CSMD3: variants seen among roughly 807,000 people sequenced by gnomAD.
CSMD3 encodes CUB and Sushi multiple domains 3, also known as CUB and sushi domain-containing protein 3.
In CSMD3, 177 loss-of-function variants were observed where a neutral mutation model predicts 435.2. The observed-to-expected ratio is 0.41, with a 90% confidence interval of 0.36 to 0.46. The LOEUF (loss-of-function observed/expected upper bound fraction) is 0.46, where lower values mean the gene tolerates loss of function less well. Ranked by LOEUF, CSMD3 falls within the 20% of genes least tolerant of loss-of-function variation. The pLI is 0.34. For missense variants in CSMD3, 4,265 were observed against 4,504.6 expected (o/e 0.95, Z 1.52); for synonymous variants, 1,656 against 1,520.5 (o/e 1.09, Z -2.07).
chr8:112,667,053 T>C (rs1194271600), intron 16 of CSMD3, among the ~76,000 whole-genome samples: 1 of 152,186 alleles, frequency 6.6e-6, no homozygotes, highest in East Asian at 1.9e-4. Context: ...AAATATTGTA[T>C]CCTCTGATTT....
intron 10 of CSMD3, among the ~76,000 whole-genome samples, chr8:112,908,250 A>G (rs181308005): frequency 1.3e-5 from 2 of 151,624 alleles, no homozygotes; most frequent in East Asian, 3.9e-4. Flanking sequence ...TGTATTTAAT[A>G]TTCAATCTGG....
At chr8:113,035,777 C>T (rs1429884639) in intron 5 of CSMD3, among the ~76,000 whole-genome samples, 1 of 151,822 alleles carries the variant, frequency 6.6e-6, no homozygotes, top group Non-Finnish European at 1.5e-5. Flanking sequence ...ATAAAAGGAT[C>T]AGAGGTATTT....
At chr8:112,544,221 A>C (rs979568958) in intron 27 of CSMD3, among the ~76,000 whole-genome samples, 4 of 152,172 alleles carry the variant, frequency 2.6e-5, no homozygotes, top group Non-Finnish European at 5.9e-5. Context: ...ATCTCGTGTT[A>C]ATTGTTCTTA....
At chr8:112,761,279 A>C (rs2077831587) in intron 13 of CSMD3, among the ~76,000 whole-genome samples, 2 of 152,270 alleles carry the variant, frequency 1.3e-5, no homozygotes, top group Non-Finnish European at 2.9e-5. Context: ...GAATTATTTC[A>C]AAAGTTGATT....
At chr8:112,455,124 A>C (rs1038507450) in intron 32 of CSMD3, among the ~76,000 whole-genome samples, 1 of 152,196 alleles carries the variant, frequency 6.6e-6, no homozygotes. Flanking sequence ...TTGTTCTACC[A>C]AAGAGACACA....
rs1492672 is a variant in CSMD3, at chr8:112,332,544, G to T, written c.7165+2785C>A. On this transcript the variant is annotated intron_variant, in intron 45 of 70. Coordinates refer to ENST00000297405, the MANE Select transcript of CSMD3 (RefSeq NM_198123.2). ...TCATGCATTCTTGAAAAGGCAGGTA[G>T]GAATGAAAGCAGTGCTTTAGAAAAA... is the stretch of plus-strand genomic sequence containing the variant. 5.6e-3 allele frequency among the ~76,000 whole-genome samples: 857 copies of T among 152,176 alleles called. 10 individuals are homozygous for T. The highest frequency in any genetic ancestry group is 0.019 in the African/African-American group (804 of 41,548).
chr8:112,339,142 G>A (rs1204071952), intron 42 of CSMD3, among the ~76,000 whole-genome samples: 5 of 152,066 alleles, frequency 3.3e-5, no homozygotes, highest in Non-Finnish European at 7.4e-5. Context: ...CCCAGCAGAT[G>A]AGAAATTGGC....
chr8:112,838,384 A>C (rs2080088509), intron 11 of CSMD3, among the ~76,000 whole-genome samples: 1 of 151,712 alleles, frequency 6.6e-6, no homozygotes. Context: ...CAATGTTGAC[A>C]GGGTTATATT....
intron 3 of CSMD3, among the ~76,000 whole-genome samples, chr8:113,223,695 T>A (rs1318925110): frequency 2.7e-5 from 4 of 149,782 alleles, no homozygotes; most frequent in Non-Finnish European, 6.0e-5. Context: ...CATTATTTCA[T>A]CAAATATATA....
At chr8:113,194,864 T>C (rs1293199458) in intron 3 of CSMD3, among the ~76,000 whole-genome samples, 15 of 151,242 alleles carry the variant, frequency 9.9e-5, no homozygotes, top group Non-Finnish European at 2.2e-4. Context: ...TTTCACATTG[T>C]TTAACTGAGC....
chr8:112,294,432 G>T (rs555902063), intron 54 of CSMD3, among the ~76,000 whole-genome samples: 1 of 151,996 alleles, frequency 6.6e-6, no homozygotes, highest in South Asian at 2.1e-4. Context: ...ATAAATGTCC[G>T]TTATCTGGAG....
intron 31 of CSMD3, among the ~76,000 whole-genome samples, chr8:112,481,733 A>G (rs930694671): frequency 1.3e-5 from 2 of 152,158 alleles, no homozygotes; most frequent in Non-Finnish European, 2.9e-5. Flanking sequence ...GGCTTTCCTA[A>G]CCCTTAAAGT....
At chr8:113,061,758 A>G (rs1237314707) in intron 5 of CSMD3, among the ~76,000 whole-genome samples, 1 of 152,044 alleles carries the variant, frequency 6.6e-6, no homozygotes, top group Non-Finnish European at 1.5e-5. Context: ...GTTAATAAAA[A>G]AAAAGTTAAA....
chr8:112,273,569 CA>C (rs980127990), intron 59 of CSMD3, among the ~76,000 whole-genome samples: 3 of 150,780 alleles, frequency 2.0e-5, no homozygotes, highest in Admixed American at 6.6e-5. Flanking sequence ...ACTAAAAATA[CA>C]AAAAAAATAG....
At chr8:112,360,821 T>C (rs950760634) in intron 38 of CSMD3, among the ~76,000 whole-genome samples, 1 of 151,918 alleles carries the variant, frequency 6.6e-6, no homozygotes, top group Non-Finnish European at 1.5e-5. Flanking sequence ...GGGAAGAAAA[T>C]AATGATATAA....
intron 1 of CSMD3, among the ~76,000 whole-genome samples, chr8:113,370,442 A>G (rs2133047579): frequency 6.6e-6 from 1 of 151,568 alleles, no homozygotes; most frequent in African/African-American, 2.4e-5. Context: ...AGACAACTGT[A>G]GGATCAACGA....
In CSMD3 at chr8:112,337,616, T is replaced by G. The variant is rs770052912; in HGVS notation, c.6768A>C (p.Leu2256Phe). 3 of 1,613,634 alleles carry G rather than the reference T, an allele frequency of 1.9e-6. No homozygotes were observed. Among genetic ancestry groups the G allele is most frequent in the Admixed American group, 3.3e-5 (2 of 59,998 alleles). ...ISFECFPGYT[L>F]IGNSALTCLH... ...GGCATGTGAGAGCTGAATTTCCAAT[T>G]AATGTGTATCCTGGGAAACATTCAA... The change falls in exon 43 of 71, where the codon TTA becomes TTC. Residue 2256 changes from leucine to phenylalanine, a missense_variant. By Grantham distance (22) the Leu-to-Phe change is conservative. Around this residue, in one of 3 missense-constraint regions of CSMD3, gnomAD observed 3,255 missense variants for 3,380.2 expected, o/e 0.96. Coordinates refer to ENST00000297405, the MANE Select transcript of CSMD3 (RefSeq NM_198123.2).
intron 32 of CSMD3, among the ~76,000 whole-genome samples, chr8:112,444,590 A>G (rs1196366908): frequency 6.6e-6 from 1 of 152,218 alleles, no homozygotes; most frequent in Non-Finnish European, 1.5e-5. Flanking sequence ...TTATGATAGC[A>G]AAAACATAAG....
chr8:112,259,766 C>T (rs893144796), intron 61 of CSMD3, among the ~76,000 whole-genome samples: 2 of 152,022 alleles, frequency 1.3e-5, no homozygotes, highest in Non-Finnish European at 2.9e-5. Context: ...AATATCAAAC[C>T]CAAAAGCCAG....
Sources: gnomAD v4.1 joint callset for allele counts (sites outside exome capture counted in the v4.1 genomes callset) on GRCh38, gnomAD v4.1.1 for gene constraint, gnomAD v4.1.1 regional missense constraint, MANE v1.5 for transcripts, NCBI Gene and HGNC (gene_info 2026-07-23, HGNC 2026-07-21) for gene names.